CACNA2D3: variants seen among roughly 807,000 people sequenced by gnomAD.
CACNA2D3 encodes the protein calcium voltage-gated channel auxiliary subunit alpha2delta 3, also known as voltage-dependent calcium channel subunit alpha-2/delta-3.
In CACNA2D3, 60 loss-of-function variants were observed where a neutral mutation model predicts 160.6. The ratio of observed to expected loss-of-function variants is 0.37; its 90% CI spans 0.30 to 0.46. The LOEUF (loss-of-function observed/expected upper bound fraction) is 0.46, where lower values mean the gene tolerates loss of function less well. CACNA2D3 is among the 20% of genes least tolerant of loss of function. The pLI, the probability that CACNA2D3 is intolerant of heterozygous loss-of-function variation, is 1.00. For missense variants in CACNA2D3, 1,205 were observed against 1,365.0 expected (o/e 0.88, Z 1.85); for synonymous variants, 558 against 492.9 (o/e 1.13, Z -1.75).
intron 14 of CACNA2D3, among the ~76,000 whole-genome samples, chr3:54,822,667 G>T (rs1167008482): frequency 6.6e-6 from 1 of 152,192 alleles, no homozygotes; most frequent in African/African-American, 2.4e-5. Context: ...GAAGCTACGT[G>T]TGGGTTCCTG....
chr3:55,074,330 C>T lies in CACNA2D3; in HGVS notation c.*124C>T. ...GAATATAGTCCAACCATCAGCATCTCATCATGATTTTAAACTGTGCGTGAT... is the reference window on the plus strand; with the variant it reads ...GAATATAGTCCAACCATCAGCATCTTATCATGATTTTAAACTGTGCGTGAT... On this transcript the variant is annotated 3_prime_UTR_variant, in exon 38 of 38. Transcript: ENST00000474759. 1 of 777,900 alleles carries T rather than the reference C, an allele frequency of 1.3e-6. No individual in the cohort carries two copies. 48.2% of individuals were successfully genotyped at this position (777,900 alleles called of 1,614,324 possible). A position where few individuals can be genotyped will look rare whatever the true frequency, so the allele number is the denominator to read the frequency against.
intron 9 of CACNA2D3, among the ~76,000 whole-genome samples, chr3:54,596,059 T>C (rs1702947756): frequency 6.6e-6 from 1 of 152,076 alleles, no homozygotes; most frequent in Non-Finnish European, 1.5e-5. Context: ...GGAAGAAGTA[T>C]CCAGAGACAG....
At chr3:54,989,453 G>A (rs1406408527) in intron 31 of CACNA2D3, among the ~76,000 whole-genome samples, 2 of 152,180 alleles carry the variant, frequency 1.3e-5, no homozygotes, top group Non-Finnish European at 2.9e-5. Flanking sequence ...TCATCCAGGA[G>A]CAAGTTGACA....
At chr3:55,058,578 AGT>A (rs1704423163) in intron 35 of CACNA2D3, among the ~76,000 whole-genome samples, 1 of 152,188 alleles carries the variant, frequency 6.6e-6, no homozygotes, top group Non-Finnish European at 1.5e-5. Flanking sequence ...GAGACTATAG[AGT>A]AAAATACTGA....
intron 13 of CACNA2D3, among the ~76,000 whole-genome samples, chr3:54,796,428 T>G (rs1702867041): frequency 6.6e-6 from 1 of 152,144 alleles, no homozygotes; most frequent in Non-Finnish European, 1.5e-5. Flanking sequence ...AGTCTTGACT[T>G]TGAGAAGTGC....
intron 31 of CACNA2D3, among the ~76,000 whole-genome samples, chr3:54,988,841 G>A (rs1575423990): frequency 6.6e-6 from 1 of 152,170 alleles, no homozygotes; most frequent in East Asian, 1.9e-4. Context: ...ATAAGAACCT[G>A]GCCTAGTGCC....
chr3:54,412,572 A>G (rs966740976), intron 4 of CACNA2D3, among the ~76,000 whole-genome samples: 5 of 129,752 alleles, frequency 3.9e-5, no homozygotes, highest in African/African-American at 1.4e-4. Flanking sequence ...TTTTTTCTGT[A>G]CCTTTACTTA....
intron 2 of CACNA2D3, among the ~76,000 whole-genome samples, chr3:54,137,624 A>G (rs1010245165): frequency 6.6e-6 from 1 of 152,116 alleles, no homozygotes; most frequent in Admixed American, 6.5e-5. Flanking sequence ...TTACATTGCA[A>G]CCCGTTACAA....
chr3:54,939,910 C>T (rs1176374064), intron 27 of CACNA2D3, among the ~76,000 whole-genome samples: 2 of 152,198 alleles, frequency 1.3e-5, no homozygotes, highest in African/African-American at 4.8e-5. Flanking sequence ...AGAGCATGCC[C>T]TGGAAGAAAG....
At chr3:54,573,881 C>T (rs1255304850) in intron 8 of CACNA2D3, among the ~76,000 whole-genome samples, 1 of 152,138 alleles carries the variant, frequency 6.6e-6, no homozygotes, top group Non-Finnish European at 1.5e-5. Context: ...TCCTCCATCA[C>T]CTCCTTCTGT....
At chr3:54,653,665 C>G (rs1435771531) in intron 11 of CACNA2D3, among the ~76,000 whole-genome samples, 1 of 152,168 alleles carries the variant, frequency 6.6e-6, no homozygotes, top group South Asian at 2.1e-4. Context: ...AAGAACATGA[C>G]AAGACAAGTT....
chr3:54,851,602 A>T (rs1699059706), intron 17 of CACNA2D3, among the ~76,000 whole-genome samples: 1 of 152,214 alleles, frequency 6.6e-6, no homozygotes, highest in Non-Finnish European at 1.5e-5. Flanking sequence ...TTGGACCAGT[A>T]CCGAGGTAAT....
intron 3 of CACNA2D3, among the ~76,000 whole-genome samples, chr3:54,376,361 C>G (rs564488885): frequency 3.9e-5 from 6 of 152,352 alleles, no homozygotes; most frequent in African/African-American, 1.4e-4. Flanking sequence ...CATTCCTGCA[C>G]TGGTGCTCTA....
chr3:54,293,433 T>G (rs927562530), intron 2 of CACNA2D3, among the ~76,000 whole-genome samples: 1 of 152,142 alleles, frequency 6.6e-6, no homozygotes, highest in Admixed American at 6.5e-5. Flanking sequence ...CTCCCATTTA[T>G]GAGTGAGAAC....
At chr3:54,602,171 T>C (rs1169895934) in intron 9 of CACNA2D3, among the ~76,000 whole-genome samples, 2 of 152,108 alleles carry the variant, frequency 1.3e-5, no homozygotes, top group Non-Finnish European at 2.9e-5. Flanking sequence ...AATGCAGGGC[T>C]TCTTGTTCAA....
At chr3:54,686,904 A>G (rs1700457586) in intron 11 of CACNA2D3, among the ~76,000 whole-genome samples, 1 of 152,242 alleles carries the variant, frequency 6.6e-6, no homozygotes, top group Middle Eastern at 3.4e-3. Context: ...TAAGGGTGAT[A>G]TAAAATATTG....
At chr3:54,991,220 G>A (rs116343223) in intron 31 of CACNA2D3, among the ~76,000 whole-genome samples, 13,956 of 150,718 alleles carry the variant, frequency 0.093, 928 homozygotes, top group Non-Finnish European at 0.14. Context: ...AAAAAGTGTC[G>A]AGTATTTTTT....
At chr3:54,506,839 A>G (rs1701378947) in intron 5 of CACNA2D3, among the ~76,000 whole-genome samples, 1 of 152,182 alleles carries the variant, frequency 6.6e-6, no homozygotes, top group Non-Finnish European at 1.5e-5. Flanking sequence ...ATGACTCCAT[A>G]TCCTCTATGA....
chr3:54,884,325 A>T (rs980159707), intron 21 of CACNA2D3, among the ~76,000 whole-genome samples: 5 of 152,232 alleles, frequency 3.3e-5, no homozygotes, highest in African/African-American at 1.2e-4. Flanking sequence ...GAGCGTGGGT[A>T]TGCCCACTTG....
Sources: allele counts gnomAD v4.1 joint callset (sites outside exome capture counted in the v4.1 genomes callset), GRCh38; gene constraint gnomAD v4.1.1; transcripts MANE v1.5; gene names NCBI Gene and HGNC (gene_info 2026-07-23, HGNC 2026-07-21).